UBR4: variants seen among roughly 807,000 people sequenced by gnomAD.
UBR4 encodes E3 ubiquitin-protein ligase UBR4.
In UBR4, 124 loss-of-function variants were observed where a neutral mutation model predicts 575.6. The ratio of observed to expected loss-of-function variants is 0.22; its 90% confidence interval spans 0.19 to 0.25. The LOEUF (loss-of-function observed/expected upper bound fraction) is 0.25, where lower values mean the gene tolerates loss of function less well. Among genes scored for constraint, UBR4 ranks in the 10% least tolerant of loss-of-function variants. The probability of loss-of-function intolerance (pLI) is 1.00; values close to 1 mark genes in which losing one functional copy is unlikely to be tolerated. For missense variants in UBR4, 4,818 were observed against 6,478.8 expected, an observed-to-expected ratio of 0.74 and a Z score of 8.80; for synonymous variants, 2,455 against 2,473.7, an observed-to-expected ratio of 0.99 and a Z score of 0.22.
At chr1:19,114,690 G>T (rs776409041) in intron 75 of UBR4, 121 bp downstream of exon 75, 38 of 1,309,976 alleles carry the variant, frequency 2.9e-5, no homozygotes, top group Non-Finnish European at 3.9e-5. Flanking sequence ...GCTGGGCCCT[G>T]AAACTGGTGT....
Position 19,156,314 on chromosome 1 carries a change from C to T in UBR4, c.6029G>A (p.Gly2010Asp). 1.2e-6 allele frequency: 2 copies of T among 1,614,158 alleles called. No homozygotes were observed. The highest frequency in any genetic ancestry group is 1.7e-6 in the Non-Finnish European group (2 of 1,180,008). ...NFIIKAVWLP[G>D]SQTELAIVTA... ...GACAATTGCTAACTCGGTCTGTGAA[C>T]CAGGTAACCACACGGCTTTGATGAT... Residue 2010 changes from glycine (G) to aspartate (D), a missense_variant, in exon 42 of 106, where the codon GGT (glycine) becomes GAT (aspartate). Coordinates refer to ENST00000375254, the MANE Select transcript of UBR4 (RefSeq NM_020765.3).
At position 19,117,947 on chromosome 1, in the gene UBR4, C is replaced by T. The variant is rs2080730793; in HGVS notation, c.10542-37G>A. On this transcript the variant is annotated intron_variant, in intron 71 of 105. Coordinates refer to ENST00000375254, the MANE Select transcript of UBR4 (RefSeq NM_020765.3). This position sits in a 1 kb window ranked among gnomAD's most constrained non-coding sequence, Gnocchi z 4.0. ...ACCAGTCTTAGCATGAACACATTTTCATCTTAGGAAGCACTGAGTTTCACA... is the reference window on the plus strand; with the variant it reads ...ACCAGTCTTAGCATGAACACATTTTTATCTTAGGAAGCACTGAGTTTCACA... 1 of 1,591,620 alleles carries T rather than the reference C, an allele frequency of 6.3e-7. No homozygotes were observed. The highest frequency in any genetic ancestry group is 1.3e-5 in the African/African-American group (1 of 74,560).
intron 92 of UBR4, 32 bp from the exon 93 acceptor site, chr1:19,095,684 G>C: frequency 6.2e-7 from 1 of 1,602,798 alleles, no homozygotes; most frequent in Non-Finnish European, 8.5e-7. Flanking sequence ...AACCCATGAG[G>C]CCACATGAGA....
chr1:19,077,038 C>G, intron 104 of UBR4, 136 bp from the exon 105 acceptor site: 1 of 892,124 alleles, frequency 1.1e-6, no homozygotes, highest in African/African-American at 1.7e-5. Flanking sequence ...AACAGGCACC[C>G]TAGAGCGTGC....
intron 21 of UBR4, 56 bp from the exon 22 acceptor site, chr1:19,174,503 C>A: frequency 1.3e-6 from 2 of 1,585,590 alleles, no homozygotes; most frequent in Non-Finnish European, 1.7e-6. Flanking sequence ...TTTTTTCCTA[C>A]TGCCTATACA....
At chr1:19,144,321 A>G (rs2084535615) in intron 54 of UBR4, among the ~76,000 whole-genome samples, 1 of 152,154 alleles carries the variant, frequency 6.6e-6, no homozygotes, top group African/African-American at 2.4e-5. Context: ...CTGGGGATGG[A>G]CTGGCAGGTC....
Position 19,081,505 on chromosome 1 carries a change from A to G in UBR4, c.15077T>C (p.Val5026Ala), listed in dbSNP as rs1240553123. 4.3e-6 allele frequency: 7 copies of G among 1,613,534 alleles called. No homozygotes were observed. Among genetic ancestry groups the G allele is most frequent in the Non-Finnish European group, 5.9e-6 (7 of 1,179,928 alleles). ...GFLEQPKEKW[V>A]ESAFEVDGPY... is the part of the protein sequence containing the mutation. ...CCCGTCCACTTCAAAGGCACTCTCCACCCACTTCTCCTTGGGCTGTTCCAG... is the reference window on the plus strand; with the variant it reads ...CCCGTCCACTTCAAAGGCACTCTCCGCCCACTTCTCCTTGGGCTGTTCCAG... The change falls in exon 103 of 106, where the codon GTG (valine) becomes GCG (alanine). Residue 5026 changes from valine to alanine, a missense_variant. Val to Ala is a moderately conservative substitution (Grantham distance 64). Transcript: ENST00000375254.
At chr1:19,136,622 A>G (rs974819965) in intron 60 of UBR4, among the ~76,000 whole-genome samples, 1 of 152,220 alleles carries the variant, frequency 6.6e-6, no homozygotes, top group African/African-American at 2.4e-5. Context: ...GCACAAAGTA[A>G]TAACATACAT....
At chr1:19,136,907 C>T (rs1005126498) in intron 60 of UBR4, among the ~76,000 whole-genome samples, 1 of 152,060 alleles carries the variant, frequency 6.6e-6, no homozygotes, top group Non-Finnish European at 1.5e-5. Context: ...CAGTAGGATT[C>T]GGGGAACGTG....
chr1:19,123,028 G>A lies in UBR4; in HGVS notation c.9621C>T (p.Arg3207=). 1 of 1,614,200 alleles carries A rather than the reference G, an allele frequency of 6.2e-7. No homozygotes were observed. Among genetic ancestry groups the A allele is most frequent in the Non-Finnish European group, 8.5e-7 (1 of 1,180,030 alleles). ...AGAGCAGAAGTTTGCGGACTTGACG[G>A]CGCACAAATGGAGTCTGCTGGATCA... ...YLMIQQTPFV[R]RQVRKLLLFI... The change falls in exon 66 of 106, where the codon CGC becomes CGT. Residue 3207 remains arginine, a synonymous_variant. Transcript: ENST00000375254.
chr1:19,203,255 G>A (rs9426798), intron 1 of UBR4, among the ~76,000 whole-genome samples: 1 of 151,740 alleles, frequency 6.6e-6, no homozygotes, highest in Non-Finnish European at 1.5e-5. Context: ...AATCCCAGCA[G>A]TTTGGGAGAC....
chr1:19,102,294 G>A (rs1321569633), intron 87 of UBR4, among the ~76,000 whole-genome samples: 1 of 152,120 alleles, frequency 6.6e-6, no homozygotes, highest in African/African-American at 2.4e-5. Flanking sequence ...GAGCCCAGAA[G>A]GCGGAGGTTA....
chr1:19,095,263 A>G (rs2077918237), intron 93 of UBR4, among the ~76,000 whole-genome samples: 1 of 152,154 alleles, frequency 6.6e-6, no homozygotes, highest in South Asian at 2.1e-4. Flanking sequence ...ACTGGTGTGT[A>G]GTCTAGACTG....
intron 101 of UBR4, among the ~76,000 whole-genome samples, chr1:19,084,935 C>T (rs2076863511): frequency 6.6e-6 from 1 of 152,140 alleles, no homozygotes; most frequent in Non-Finnish European, 1.5e-5. Context: ...TTGATGAGAG[C>T]CCACCACTCT....
At chr1:19,114,718 A>G (rs2274003) in intron 75 of UBR4, 93 bp downstream of exon 75, 933,633 of 1,507,080 alleles carry the variant, frequency 0.62, 291,816 homozygotes, top group East Asian at 0.82. Flanking sequence ...AAGAAGGCTT[A>G]GGCTAGAAAG....
rs1437792552 is a variant in UBR4 at position 19,104,471 on chromosome 1, C to A, written c.12727+114G>T. 11 of 1,266,608 alleles carry A rather than the reference C, an allele frequency of 8.7e-6. No homozygotes were observed. The African/African-American group carries it at 1.5e-4, about 17-fold the overall frequency. The allele number at this position is 1,266,608 out of a possible 1,614,324, so 78.5% of individuals were successfully genotyped here. ...CAGAAAAAAAATGCAGAGCTTAAATCTGCACTAAGGTCAGTACCAGAGAGA... is the reference window on the plus strand; with the variant it reads ...CAGAAAAAAAATGCAGAGCTTAAATATGCACTAAGGTCAGTACCAGAGAGA... On this transcript the variant is annotated intron_variant, in intron 86 of 105. Coordinates refer to ENST00000375254, the MANE Select transcript of UBR4 (RefSeq NM_020765.3).
At position 19,143,266 on chromosome 1, in the gene UBR4, GAAAGA is replaced by G. The variant is rs1557762897; in HGVS notation, c.8179+709_8179+713del. Reference sequence around the variant, plus strand: ...AGGAAGGAAGGAAGGAAGGAAGAAAGAAAGAAAGAAAGAAAGAAAGAAAGAAAGAA... The same window carrying G: ...AGGAAGGAAGGAAGGAAGGAAGAAAGAAGAAAGAAAGAAAGAAAGAAAGAA... On this transcript the variant is annotated intron_variant, in intron 55 of 105. Coordinates refer to ENST00000375254, the MANE Select transcript of UBR4 (RefSeq NM_020765.3). 2.5e-3 allele frequency among the ~76,000 whole-genome samples: 137 copies of G among 54,258 alleles called. 2 individuals are homozygous for G. Among genetic ancestry groups the G allele is most frequent in the African/African-American group, 3.3e-3 (54 of 16,604 alleles). 35.6% of individuals were successfully genotyped at this position (54,258 alleles called of 152,430 possible). A position where few individuals can be genotyped will look rare whatever the true frequency, so the allele number is the denominator to read the frequency against.
chr1:19,172,501 A>G (rs772158560), intron 25 of UBR4, among the ~76,000 whole-genome samples: 23 of 152,242 alleles, frequency 1.5e-4, no homozygotes, highest in Non-Finnish European at 3.1e-4. Flanking sequence ...TGGGCGACAG[A>G]GCGAGATGCC....
rs138707579 is a variant in UBR4, at chr1:19,115,863, C to T, written c.10824-226G>A. Among the ~76,000 whole-genome samples, 12 of 152,308 alleles carry T rather than the reference C, an allele frequency of 7.9e-5. No homozygotes were observed. In the East Asian group the frequency reaches 2.1e-3, roughly 27 times the overall value. Reference sequence around the variant, plus strand: ...CATACAAGTGCTTTAAGCTGTTATACATGATACCTTTTGAAATTCCAGGAA... The same window carrying T: ...CATACAAGTGCTTTAAGCTGTTATATATGATACCTTTTGAAATTCCAGGAA... On this transcript the variant is annotated intron_variant, in intron 73 of 105. Coordinates refer to ENST00000375254, the MANE Select transcript of UBR4 (RefSeq NM_020765.3).
Sources: allele counts gnomAD v4.1 joint callset (sites outside exome capture counted in the v4.1 genomes callset), GRCh38; gene constraint gnomAD v4.1.1; non-coding constraint Gnocchi (gnomAD v3.1); transcripts MANE v1.5; gene names NCBI Gene and HGNC (gene_info 2026-07-23, HGNC 2026-07-21).